TTC12: variants seen among roughly 807,000 people sequenced by gnomAD.
The protein encoded by TTC12 is tetratricopeptide repeat domain 12.
Under a neutral mutation model 90.1 loss-of-function variants are expected in TTC12, and 70 were observed. The ratio of observed to expected loss-of-function variants is 0.78; its 90% confidence interval spans 0.64 to 0.95. The LOEUF (loss-of-function observed/expected upper bound fraction) is 0.95. Among genes scored for constraint, TTC12 ranks in the 40% least tolerant of loss-of-function variants. TTC12 has a pLI of 0.00. For synonymous variants in TTC12, 296 were observed against 311.5 expected (o/e 0.95, Z 0.53); for missense variants, 819 against 846.1 (o/e 0.97, Z 0.40).
chr11:113,323,320 C>T lies in TTC12; in HGVS notation c.91C>T (p.Pro31Ser). The stretch of plus-strand genomic sequence containing the variant: ...AATTCAGGAGATGAATTCTGATGAC[C>T]CAGTTGTGCAACAGAAAGCTGTCCT... Reference protein sequence around the residue: ...NLIQEMNSDDPVVQQKAVLET... With the variant: ...NLIQEMNSDDSVVQQKAVLET... Residue 31 changes from proline (P) to serine (S), a missense_variant, in exon 3 of 22, where the codon CCA (proline) becomes TCA (serine). Pro to Ser is a moderately conservative substitution (Grantham distance 74). Transcript: ENST00000529221. The T allele has an allele frequency of 6.2e-7, 1 of 1,605,918 alleles. No homozygotes were observed. The highest frequency in any genetic ancestry group is 1.3e-5 in the African/African-American group (1 of 74,520).
chr11:113,328,401 A>G (rs1555141656), intron 6 of TTC12, among the ~76,000 whole-genome samples: 1 of 152,176 alleles, frequency 6.6e-6, no homozygotes, highest in African/African-American at 2.4e-5. Context: ...TAAGTTCTCA[A>G]TCAGTTCAGT....
intron 16 of TTC12, among the ~76,000 whole-genome samples, chr11:113,356,148 T>C (rs1949620928): frequency 6.6e-6 from 1 of 152,240 alleles, no homozygotes. Flanking sequence ...ATATTTAGGA[T>C]AGTTAGATCT....
chr11:113,334,701 G>A (rs1284865176), intron 7 of TTC12, among the ~76,000 whole-genome samples: 1 of 151,634 alleles, frequency 6.6e-6, no homozygotes, highest in Non-Finnish European at 1.5e-5. Context: ...TAAACTGAGG[G>A]TTTGCTTCCT....
chr11:113,324,033 C>T lies in TTC12; in HGVS notation c.244+18C>T. On this transcript the variant is annotated intron_variant, in intron 4 of 21. Transcript: ENST00000529221. ...AAACTCAGGTAAGGACAGCATCTCT[C>T]TTCCCAATTTTCATTCTTTATATAG... 6.2e-7 allele frequency: 1 copy of T among 1,604,686 alleles called. No homozygotes were observed. The highest frequency in any genetic ancestry group is 8.5e-7 in the Non-Finnish European group (1 of 1,171,960).
intron 1 of TTC12, chr11:113,314,869 C>CGCGCGGGGCTCGGGGGCAGGCTCT (rs549415607): frequency 0.1 from 15,929 of 152,246 alleles, 1,317 homozygotes; most frequent in African/African-American, 0.22. Context: ...GGGCAGGCTC[C>CGCGCGGGGCTCGGGGGCAGGCTCT]GCGCGGGGCT....
chr11:113,339,247 G>T (rs1555145140), intron 9 of TTC12, 39 bp from the exon 10 acceptor site: 1 of 1,550,000 alleles, frequency 6.5e-7, no homozygotes, highest in Admixed American at 2.0e-5. Context: ...ATTGTTGATT[G>T]TTAGGGTTTT....
At chr11:113,363,337 C>T (rs1292864150) in intron 19 of TTC12, among the ~76,000 whole-genome samples, 2 of 152,238 alleles carry the variant, frequency 1.3e-5, no homozygotes, top group Non-Finnish European at 2.9e-5. Flanking sequence ...TGCACACATG[C>T]CTTTTAAAGA....
rs782525199 is a variant in TTC12 at position 113,339,440 on chromosome 11, G to A, written c.792G>A (p.Gly264=). The A allele has an allele frequency of 6.2e-7, 1 of 1,612,374 alleles. No homozygotes were observed. Among genetic ancestry groups the A allele is most frequent in the Non-Finnish European group, 8.5e-7 (1 of 1,179,590 alleles). ...KPDQIPLFYA[G]GIEILTEMIN... is the part of the protein sequence containing the mutation. ...ACCAGATCCCCTTGTTCTATGCTGG[G>A]GGGATTGAGATCCTGACTGAAATGA... The change falls in exon 10 of 22, where the codon GGG becomes GGA. Residue 264 remains glycine (G), a synonymous_variant. Coordinates refer to ENST00000529221, the MANE Select transcript of TTC12 (RefSeq NM_017868.4).
At chr11:113,368,206 C>G (rs1263127863), downstream of TTC12, 8 of 1,489,544 alleles carry the variant, frequency 5.4e-6, no homozygotes, top group East Asian at 1.6e-4. Context: ...CGAGAGCAGT[C>G]ATCTCCAATT....
chr11:113,357,811 G>A (rs1172063040), intron 16 of TTC12, among the ~76,000 whole-genome samples: 4 of 152,194 alleles, frequency 2.6e-5, no homozygotes, highest in Admixed American at 1.3e-4. Context: ...TACTGGGGGA[G>A]CCAAGGTGAT....
intron 19 of TTC12, 128 bp from the exon 20 acceptor site, chr11:113,363,698 CCG>C (rs1304758744): frequency 6.2e-6 from 4 of 640,104 alleles, no homozygotes; most frequent in Non-Finnish European, 1.1e-5. Flanking sequence ...GAAGCACATG[CCG>C]TTCTCAGTAG....
intron 13 of TTC12, 52 bp from the exon 14 acceptor site, chr11:113,350,021 A>G (rs1231492723): frequency 1.4e-6 from 2 of 1,399,270 alleles, no homozygotes; most frequent in East Asian, 4.6e-5. Flanking sequence ...CCCTGTTGGG[A>G]TGTTGTTAGT....
intron 7 of TTC12, among the ~76,000 whole-genome samples, chr11:113,330,412 A>G (rs1186806225): frequency 1.3e-5 from 2 of 152,224 alleles, no homozygotes; most frequent in Non-Finnish European, 2.9e-5. Flanking sequence ...AGGAATAATC[A>G]GAAGAAAGAA....
At chr11:113,321,856 C>T (rs1947356270) in intron 2 of TTC12, among the ~76,000 whole-genome samples, 1 of 152,222 alleles carries the variant, frequency 6.6e-6, no homozygotes. Context: ...AGCAGAGCCA[C>T]TTAGATGACT....
At chr11:113,367,762 A>T (rs1223706460), downstream of TTC12, among the ~76,000 whole-genome samples, 1 of 152,190 alleles carries the variant, frequency 6.6e-6, no homozygotes, top group Non-Finnish European at 1.5e-5. Context: ...TGAGCCCCTC[A>T]TTCAGATTGA....
intron 14 of TTC12, 21 bp downstream of exon 14, chr11:113,350,186 A>T: frequency 6.5e-7 from 1 of 1,539,348 alleles, no homozygotes; most frequent in East Asian, 2.2e-5. Context: ...TATTTATAGA[A>T]ATTGACATTT....
rs3781883 is a variant in TTC12, at chr11:113,330,615, C to G, written c.504+636C>G. Among the ~76,000 whole-genome samples the G allele has an allele frequency of 1.1e-4, 16 of 152,210 alleles. No homozygotes were observed. In the East Asian group the frequency reaches 2.7e-3, roughly 26 times the overall value. On this transcript the variant is annotated intron_variant, in intron 7 of 21. Coordinates refer to ENST00000529221, the MANE Select transcript of TTC12 (RefSeq NM_017868.4). Reference sequence around the variant, plus strand: ...GACATGACCAAATATTTAAGTAACCCTTAATCCACATTCCCCTAAAGTACT... The same window carrying G: ...GACATGACCAAATATTTAAGTAACCGTTAATCCACATTCCCCTAAAGTACT...
Position 113,366,231 on chromosome 11 carries a change from TG to T in TTC12, c.2050del (p.Ala684LeufsTer3). On this transcript the variant is annotated frameshift_variant, in exon 22 of 22. Coordinates refer to ENST00000529221, the MANE Select transcript of TTC12 (RefSeq NM_017868.4). LOFTEE classifies it high-confidence loss of function. ...KLCTAEPRFA[A>X]QLRKLHGLEI... is the part of the protein sequence containing the mutation. ...TTTGTTTTGATTGTGACAGATTTGCTGCTCAACTGAGAAAGCTTCATGGCCT... is the reference window on the plus strand; with the variant it reads ...TTTGTTTTGATTGTGACAGATTTGCTCTCAACTGAGAAAGCTTCATGGCCT... 8 of 1,613,320 alleles carry T rather than the reference TG, an allele frequency of 5.0e-6. No homozygotes were observed. Among genetic ancestry groups the T allele is most frequent in the Non-Finnish European group, 6.8e-6 (8 of 1,180,014 alleles).
intron 13 of TTC12, among the ~76,000 whole-genome samples, 162 bp from the exon 14 acceptor site, chr11:113,349,911 G>A (rs139734535): frequency 4.1e-4 from 62 of 152,284 alleles, no homozygotes; most frequent in African/African-American, 1.3e-3. Flanking sequence ...CTGTCTCTGG[G>A]TGGGCAAGGA....
Sources: gnomAD v4.1 joint callset for allele counts (sites outside exome capture counted in the v4.1 genomes callset) on GRCh38, gnomAD v4.1.1 for gene constraint, MANE v1.5 for transcripts, NCBI Gene and HGNC (gene_info 2026-07-23, HGNC 2026-07-21) for gene names.